The following LRRIQ1 variants were observed in gnomAD, a reference collection of about 807,000 sequenced individuals.
LRRIQ1 encodes leucine rich repeats and IQ motif containing 1.
Under a neutral mutation model 211.9 loss-of-function variants are expected in LRRIQ1, and 210 were observed. The ratio of observed to expected loss-of-function variants is 0.99; its 90% confidence interval spans 0.89 to 1.11. LRRIQ1 has a LOEUF of 1.11. Among genes scored for constraint, LRRIQ1 ranks in the 50% most tolerant of loss-of-function variants. LRRIQ1 has a pLI of 0.00. For synonymous variants in LRRIQ1, 699 were observed against 650.1 expected, an observed-to-expected ratio of 1.08 and a Z score of -1.14; for missense variants, 2,136 against 1,939.5, an observed-to-expected ratio of 1.10 and a Z score of -1.90.
Position 85,098,941 on chromosome 12 carries a change from AT to A in LRRIQ1, c.3160del (p.Ser1054LeufsTer18). ...ATAACAGCATTTCAACTGTGGAAGC[AT>A]TTTCTTCATACTGGCTGCCTTTACT... ...DDNSISTVEAFSSYWLPLLQN... is the reference protein window; with the variant it reads ...DDNSISTVEAXSSYWLPLLQN... On this transcript the variant is annotated frameshift_variant, in exon 13 of 27. Transcript: ENST00000393217. LOFTEE classifies it high-confidence loss of function. 6.3e-7 allele frequency: 1 copy of A among 1,574,876 alleles called. No homozygotes were observed. Among genetic ancestry groups the A allele is most frequent in the Non-Finnish European group, 8.6e-7 (1 of 1,157,794 alleles).
At chr12:85,270,919 A>G in the LRRIQ1 span, among the ~76,000 whole-genome samples, 2 of 152,174 alleles carry the variant, frequency 1.3e-5, no homozygotes, top group African/African-American at 2.4e-5. Context: ...TATAGATGAA[A>G]TAGATATGCA....
intron 15 of LRRIQ1, among the ~76,000 whole-genome samples, chr12:85,113,615 G>A (rs754679181): frequency 7.2e-5 from 11 of 151,968 alleles, no homozygotes; most frequent in Non-Finnish European, 1.0e-4. Flanking sequence ...GAGAAATTGC[G>A]TGTTTCTGCC....
At chr12:85,216,411 A>G (rs1193909208) in intron 24 of LRRIQ1, among the ~76,000 whole-genome samples, 1 of 152,042 alleles carries the variant, frequency 6.6e-6, no homozygotes, top group African/African-American at 2.4e-5. Context: ...GACCGCTGGT[A>G]TGCAGGCAGT....
intron 24 of LRRIQ1, among the ~76,000 whole-genome samples, chr12:85,195,142 A>C (rs1187092584): frequency 1.3e-5 from 2 of 152,156 alleles, no homozygotes; most frequent in African/African-American, 2.4e-5. Flanking sequence ...GAATCTCTGA[A>C]TAGACCAATA....
intron 24 of LRRIQ1, among the ~76,000 whole-genome samples, chr12:85,183,703 A>C (rs1892098791): frequency 6.6e-6 from 1 of 152,152 alleles, no homozygotes; most frequent in African/African-American, 2.4e-5. Context: ...GAAACATAGC[A>C]TAAAGAAATA....
At chr12:85,048,744 A>T (rs1380971966) in intron 6 of LRRIQ1, among the ~76,000 whole-genome samples, 1 of 152,180 alleles carries the variant, frequency 6.6e-6, no homozygotes, top group Admixed American at 6.6e-5. Flanking sequence ...TTTAAAAAAA[A>T]GAAATCCAAA....
intron 17 of LRRIQ1, 71 bp from the exon 18 acceptor site, chr12:85,127,761 G>A: frequency 7.9e-7 from 1 of 1,258,310 alleles, no homozygotes; most frequent in Admixed American, 2.1e-5. Flanking sequence ...TGTTTAGGAG[G>A]ACCTTTTATC....
chr12:85,245,144 A>G (rs562546078), downstream of LRRIQ1: 110 of 819,186 alleles, frequency 1.3e-4, no homozygotes, highest in East Asian at 2.3e-3. Context: ...TGGGGCTTCA[A>G]TATCTCCTGC....
intron 19 of LRRIQ1, among the ~76,000 whole-genome samples, chr12:85,141,922 G>A (rs1298037486): frequency 1.9e-5 from 2 of 103,010 alleles, no homozygotes; most frequent in African/African-American, 1.3e-4. Context: ...TTTTTCGTGT[G>A]CTTCATTCTT....
At chr12:85,059,453 T>C (rs1881523438) in intron 8 of LRRIQ1, among the ~76,000 whole-genome samples, 1 of 152,026 alleles carries the variant, frequency 6.6e-6, no homozygotes, top group East Asian at 1.9e-4. Context: ...CTCATGATCA[T>C]GTGACTGACT....
At chr12:85,108,993 A>G (rs190843224) in intron 15 of LRRIQ1, among the ~76,000 whole-genome samples, 6 of 152,264 alleles carry the variant, frequency 3.9e-5, no homozygotes, top group East Asian at 1.9e-4. Context: ...AAAAATAGCT[A>G]TAACACCTGA....
At chr12:85,189,115 A>AT (rs1892369129) in intron 24 of LRRIQ1, among the ~76,000 whole-genome samples, 1 of 152,142 alleles carries the variant, frequency 6.6e-6, no homozygotes, top group Non-Finnish European at 1.5e-5. Context: ...AAACATAAAC[A>AT]GTTAGCTAAT....
In LRRIQ1 at chr12:85,158,250, A is replaced by AG. The variant is rs201636197; in HGVS notation, c.4721-2363_4721-2362insG. Among the ~76,000 whole-genome samples, 57 of 151,700 alleles carry AG rather than the reference A, an allele frequency of 3.8e-4. 1 individual carries two copies. Among genetic ancestry groups the AG allele is most frequent in the African/African-American group, 1.3e-3 (55 of 41,388 alleles). On this transcript the variant is annotated intron_variant, in intron 23 of 26. Coordinates refer to ENST00000393217, the MANE Select transcript of LRRIQ1 (RefSeq NM_001079910.2). ...AATGTCAATTGACTAAAAAAAAAAA[A>AG]CTAGATAAAAGTCACTAATATACAT...
intron 24 of LRRIQ1, among the ~76,000 whole-genome samples, chr12:85,216,677 A>G (rs1342778025): frequency 6.6e-6 from 1 of 152,008 alleles, no homozygotes; most frequent in Non-Finnish European, 1.5e-5. Flanking sequence ...GTAATTTTAC[A>G]GTGTAGACCA....
intron 24 of LRRIQ1, among the ~76,000 whole-genome samples, chr12:85,167,486 A>G (rs1046689001): frequency 2.5e-4 from 38 of 149,910 alleles, no homozygotes; most frequent in African/African-American, 8.7e-4. Flanking sequence ...TGTAAGTCCA[A>G]GAGTCCAAAA....
chr12:85,216,484 A>G (rs1478385234), intron 24 of LRRIQ1, among the ~76,000 whole-genome samples: 1 of 150,566 alleles, frequency 6.6e-6, no homozygotes. Flanking sequence ...TAATTAATTT[A>G]CATATAATTT....
At chr12:85,073,603 C>G (rs1032117531) in intron 11 of LRRIQ1, among the ~76,000 whole-genome samples, 1 of 152,150 alleles carries the variant, frequency 6.6e-6, no homozygotes, top group Non-Finnish European at 1.5e-5. Context: ...AGTGGATTTC[C>G]TGGCATAGGA....
intron 24 of LRRIQ1, among the ~76,000 whole-genome samples, chr12:85,166,789 A>C (rs910111148): frequency 6.6e-6 from 1 of 152,218 alleles, no homozygotes; most frequent in Admixed American, 6.5e-5. Flanking sequence ...AGCAAGATTC[A>C]ATAATTAGTC....
intron 15 of LRRIQ1, among the ~76,000 whole-genome samples, chr12:85,115,297 G>A (rs940131631): frequency 2.0e-5 from 3 of 152,164 alleles, no homozygotes; most frequent in Non-Finnish European, 4.4e-5. Flanking sequence ...TCTGCATTTA[G>A]AACTTGAGGC....
Sources: gnomAD v4.1 joint callset for allele counts (sites outside exome capture counted in the v4.1 genomes callset) on GRCh38, gnomAD v4.1.1 for gene constraint, MANE v1.5 for transcripts, NCBI Gene and HGNC (gene_info 2026-07-23, HGNC 2026-07-21) for gene names.